FAM110B: variants seen among roughly 807,000 people sequenced by gnomAD.
The protein encoded by FAM110B is protein FAM110B.
FAM110B carries 6 observed loss-of-function variants against 20.4 expected under a neutral mutation model. That is an observed-to-expected ratio of 0.29 (90% CI 0.16 to 0.58). The LOEUF is 0.58. Among genes scored for constraint, FAM110B ranks in the 20% least tolerant of loss-of-function variants. The probability of loss-of-function intolerance (pLI) is 0.90; values close to 1 mark genes in which losing one functional copy is unlikely to be tolerated. For synonymous variants in FAM110B, 226 were observed against 214.1 expected (o/e 1.06, Z -0.49); for missense variants, 434 against 498.2 (o/e 0.87, Z 1.23).
intron 3 of FAM110B, among the ~76,000 whole-genome samples, chr8:58,129,342 T>C (rs1807594050): frequency 6.6e-6 from 1 of 152,216 alleles, no homozygotes; most frequent in Admixed American, 6.5e-5. Flanking sequence ...TGGCTAAATG[T>C]CTTCCAAAGA....
chr8:58,072,264 C>G (rs1176266627), intron 2 of FAM110B, among the ~76,000 whole-genome samples: 1 of 152,154 alleles, frequency 6.6e-6, no homozygotes, highest in East Asian at 1.9e-4. Context: ...GGGCAGAGCC[C>G]CTTTGAGGTG....
chr8:58,103,999 T>C (rs1183417589), intron 3 of FAM110B, among the ~76,000 whole-genome samples: 1 of 152,232 alleles, frequency 6.6e-6, no homozygotes, highest in Non-Finnish European at 1.5e-5. Flanking sequence ...ATGTATGTTA[T>C]GTATTTGCCA....
intron 2 of FAM110B, among the ~76,000 whole-genome samples, chr8:58,035,508 G>T (rs1805059761): frequency 1.3e-5 from 2 of 152,188 alleles, no homozygotes; most frequent in African/African-American, 4.8e-5. Flanking sequence ...TTAAAGAAAA[G>T]AGTATGCATA....
chr8:58,132,971 A>C (rs1803513537), intron 3 of FAM110B, among the ~76,000 whole-genome samples: 1 of 152,208 alleles, frequency 6.6e-6, no homozygotes, highest in Non-Finnish European at 1.5e-5. Context: ...CTTAAATGTT[A>C]ATCAAGATAG....
intron 2 of FAM110B, among the ~76,000 whole-genome samples, chr8:58,035,344 G>A (rs78660882): frequency 0.023 from 3,507 of 152,272 alleles, 151 homozygotes; most frequent in African/African-American, 0.08. Context: ...TAAATGAGAT[G>A]TGTTTAACAA....
intron 3 of FAM110B, among the ~76,000 whole-genome samples, chr8:58,144,934 T>C (rs902365215): frequency 6.6e-6 from 1 of 152,212 alleles, no homozygotes; most frequent in Non-Finnish European, 1.5e-5. Context: ...GTTTTATTGT[T>C]GTTGTTGGCT....
chr8:58,009,042 A>G (rs545322002), intron 1 of FAM110B, among the ~76,000 whole-genome samples: 6 of 152,240 alleles, frequency 3.9e-5, no homozygotes, highest in Non-Finnish European at 8.8e-5. Flanking sequence ...AGAAGAAACA[A>G]CCCCATCTTT....
intron 3 of FAM110B, among the ~76,000 whole-genome samples, chr8:58,127,417 C>T (rs1477490293): frequency 2.0e-5 from 3 of 152,190 alleles, no homozygotes; most frequent in African/African-American, 4.8e-5. Flanking sequence ...CATAATCTTG[C>T]ATAAGCTCGC....
chr8:58,082,603 G>A (rs1303542845), intron 3 of FAM110B, among the ~76,000 whole-genome samples: 1 of 152,136 alleles, frequency 6.6e-6, no homozygotes, highest in East Asian at 1.9e-4. Context: ...TAGACTATAA[G>A]CAAGTTGGGG....
intron 1 of FAM110B, among the ~76,000 whole-genome samples, chr8:58,003,773 G>A (rs532572152): frequency 5.3e-5 from 8 of 152,272 alleles, no homozygotes; most frequent in Non-Finnish European, 1.2e-4. Flanking sequence ...TGTCATCCAG[G>A]CTTTGTTGTG....
At chr8:58,085,473 A>C (rs1806308354) in intron 3 of FAM110B, among the ~76,000 whole-genome samples, 1 of 152,204 alleles carries the variant, frequency 6.6e-6, no homozygotes, top group Non-Finnish European at 1.5e-5. Context: ...AGATCGCACC[A>C]CTGCACTCCA....
At chr8:58,058,812 C>T (rs1805599154) in intron 2 of FAM110B, among the ~76,000 whole-genome samples, 7 of 151,996 alleles carry the variant, frequency 4.6e-5, no homozygotes. Context: ...ATGTTTTGTA[C>T]AATAGGGTTT....
chr8:58,072,210 G>C (rs921521653), intron 2 of FAM110B, among the ~76,000 whole-genome samples: 4 of 152,160 alleles, frequency 2.6e-5, no homozygotes, highest in Non-Finnish European at 5.9e-5. Flanking sequence ...TTTTTCCACT[G>C]TGAAAGCCTT....
intron 3 of FAM110B, among the ~76,000 whole-genome samples, chr8:58,134,689 A>G (rs1234691206): frequency 2.6e-5 from 4 of 152,216 alleles, no homozygotes; most frequent in Admixed American, 6.5e-5. Flanking sequence ...ATGAAACCAC[A>G]GTCTTATGTT....
At chr8:58,038,110 T>C (rs912455092) in intron 2 of FAM110B, among the ~76,000 whole-genome samples, 1 of 152,200 alleles carries the variant, frequency 6.6e-6, no homozygotes, top group Non-Finnish European at 1.5e-5. Flanking sequence ...GGGAGGATAC[T>C]TGCACCTATT....
chr8:58,010,931 C>T (rs762262539), intron 1 of FAM110B, among the ~76,000 whole-genome samples: 3 of 152,172 alleles, frequency 2.0e-5, no homozygotes, highest in Non-Finnish European at 2.9e-5. Flanking sequence ...ACAAAATTAT[C>T]GTGACACTGT....
chr8:58,096,157 T>G (rs954907962), intron 3 of FAM110B, among the ~76,000 whole-genome samples: 1 of 152,226 alleles, frequency 6.6e-6, no homozygotes, highest in Non-Finnish European at 1.5e-5. Context: ...ATGGGTCTCC[T>G]GAGTACAGCA....
chr8:58,138,619 C>G (rs969357900), intron 3 of FAM110B, among the ~76,000 whole-genome samples: 4 of 152,186 alleles, frequency 2.6e-5, no homozygotes, highest in Non-Finnish European at 5.9e-5. Context: ...GGGCTTTAGG[C>G]AAAGCTATTC....
intron 3 of FAM110B, among the ~76,000 whole-genome samples, chr8:58,076,969 G>A (rs1338146135): frequency 1.3e-5 from 2 of 152,172 alleles, no homozygotes; most frequent in African/African-American, 4.8e-5. Flanking sequence ...TAGAACCTAA[G>A]AATCTAACTT....
Sources: gnomAD v4.1 joint callset for allele counts (sites outside exome capture counted in the v4.1 genomes callset) on GRCh38, gnomAD v4.1.1 for gene constraint, MANE v1.5 for transcripts, NCBI Gene and HGNC (gene_info 2026-07-23, HGNC 2026-07-21) for gene names.